Variants in DOP1B observed in about 807,000 individuals in gnomAD.
DOP1B encodes protein DOP1B.
A neutral mutation model predicts 233.5 loss-of-function variants in DOP1B; 174 were observed. The observed-to-expected ratio is 0.75, with a 90% CI of 0.66 to 0.85. The LOEUF (loss-of-function observed/expected upper bound fraction) is 0.85. Among genes scored for constraint, DOP1B ranks in the 40% least tolerant of loss-of-function variants. The probability of loss-of-function intolerance (pLI) is 0.00; values close to 1 mark genes in which losing one functional copy is unlikely to be tolerated. For missense variants in DOP1B, 2,652 were observed against 2,846.6 expected, an observed-to-expected ratio of 0.93 and a Z score of 1.56; for synonymous variants, 1,190 against 1,185.6, an observed-to-expected ratio of 1.00 and a Z score of -0.08.
At chr21:36,254,656 A>G (rs1054380922) in intron 23 of DOP1B, among the ~76,000 whole-genome samples, 4 of 152,210 alleles carry the variant, frequency 2.6e-5, no homozygotes, top group Non-Finnish European at 4.4e-5. Context: ...ACACATACAC[A>G]TCTCAAAGGG....
Position 36,230,802 on chromosome 21 carries a change from C to T in DOP1B, c.2018C>T (p.Ala673Val), listed in dbSNP as rs2066754300. ...RDRDGTQSLA[A>V]NDSSRKNSWE... ...AGGGATGGGACGCAGAGCCTGGCAGCCAATGATTCCAGCAGGAAGAACTCT... is the reference window on the plus strand; with the variant it reads ...AGGGATGGGACGCAGAGCCTGGCAGTCAATGATTCCAGCAGGAAGAACTCT... Residue 673 changes from alanine (A) to valine (V), a missense_variant, in exon 14 of 37, where the codon GCC becomes GTC. This residue lies in a region of DOP1B where 2,617 missense variants were observed against 2,794.3 expected (regional missense o/e 0.94). Coordinates refer to ENST00000691173, the MANE Select transcript of DOP1B (RefSeq NM_001320714.2). The T allele has an allele frequency of 6.2e-7, 1 of 1,614,010 alleles. No individual in the cohort carries two copies. Among genetic ancestry groups the T allele is most frequent in the African/African-American group, 1.3e-5 (1 of 74,898 alleles).
chr21:36,249,876 G>A (rs572337993), intron 21 of DOP1B, among the ~76,000 whole-genome samples: 20 of 152,320 alleles, frequency 1.3e-4, no homozygotes, highest in African/African-American at 4.6e-4. Context: ...TTCCTAGGGT[G>A]CCAAGGGAAT....
At chr21:36,164,679 C>T (rs2065892980) in intron 1 of DOP1B, 29 bp from the exon 2 acceptor site, 3 of 1,501,848 alleles carry the variant, frequency 2.0e-6, no homozygotes, top group Admixed American at 2.3e-5. Context: ...ATGGCTCTCT[C>T]ATTTGGTTAT....
At chr21:36,194,806 G>A (rs534690122) in intron 2 of DOP1B, among the ~76,000 whole-genome samples, 1 of 151,902 alleles carries the variant, frequency 6.6e-6, no homozygotes, top group South Asian at 2.1e-4. Flanking sequence ...CATTTTTAAA[G>A]AAGACAACTG....
intron 4 of DOP1B, among the ~76,000 whole-genome samples, chr21:36,208,017 G>C (rs919167891): frequency 1.3e-5 from 2 of 152,146 alleles, no homozygotes; most frequent in African/African-American, 4.8e-5. Context: ...TGCATGAGAA[G>C]GTGCTGACTT....
At position 36,270,120 on chromosome 21, in the gene DOP1B, C is replaced by G. The variant is rs1453986485; in HGVS notation, c.5595C>G (p.Ala1865=). 6.2e-7 allele frequency: 1 copy of G among 1,614,144 alleles called. No individual in the cohort carries two copies. Among genetic ancestry groups the G allele is most frequent in the Non-Finnish European group, 8.5e-7 (1 of 1,180,032 alleles). The change falls in exon 27 of 37, where the codon GCC becomes GCG. Residue 1865 remains alanine, a synonymous_variant. Transcript: ENST00000691173. ...TGGAAGTGAAGGCCCAACCTCAGGC[C>G]TCTCTAGAAGAATCTGATGCTGAGG... is the stretch of plus-strand genomic sequence containing the variant. ...RNLEVKAQPQ[A]SLEESDAEED...
At chr21:36,175,132 A>G (rs2066009455) in intron 2 of DOP1B, among the ~76,000 whole-genome samples, 1 of 145,208 alleles carries the variant, frequency 6.9e-6, no homozygotes. Context: ...TTTTTTTGAG[A>G]TGGAGTCTCA....
chr21:36,187,233 G>T (rs2066175428), intron 2 of DOP1B, among the ~76,000 whole-genome samples: 1 of 136,646 alleles, frequency 7.3e-6, no homozygotes, highest in African/African-American at 2.8e-5. Context: ...TCCCTTCCCG[G>T]GGGAGGGTGC....
chr21:36,169,814 G>A (rs1321644953), intron 2 of DOP1B: 8 of 1,154,878 alleles, frequency 6.9e-6, no homozygotes, highest in Non-Finnish European at 1.0e-5. Context: ...CTAGATTTAT[G>A]CCGGTTGTTA....
intron 4 of DOP1B, among the ~76,000 whole-genome samples, chr21:36,207,287 C>A (rs1314041364): frequency 6.6e-6 from 1 of 151,718 alleles, no homozygotes; most frequent in Non-Finnish European, 1.5e-5. Context: ...CGGCTTCAAG[C>A]AATTCTCCTG....
intron 15 of DOP1B, among the ~76,000 whole-genome samples, chr21:36,235,870 G>T (rs143704099): frequency 2.7e-5 from 4 of 147,274 alleles, no homozygotes; most frequent in African/African-American, 9.9e-5. Context: ...AGTCGGGGGG[G>T]GGGCGGTCTA....
chr21:36,292,296 A>G (rs950260178), intron 36 of DOP1B, 63 bp downstream of exon 36: 4 of 1,395,038 alleles, frequency 2.9e-6, no homozygotes, highest in Middle Eastern at 2.6e-4. Context: ...TCACTCGGCC[A>G]CCCAGGTTAG....
intron 21 of DOP1B, 124 bp from the exon 22 acceptor site, chr21:36,251,038 A>G: frequency 2.2e-6 from 3 of 1,353,966 alleles, no homozygotes; most frequent in Non-Finnish European, 3.0e-6. Context: ...GCACCTCAGC[A>G]CAACATTGGG....
chr21:36,286,675 A>C (rs1449401046), intron 32 of DOP1B, among the ~76,000 whole-genome samples: 1 of 136,500 alleles, frequency 7.3e-6, no homozygotes, highest in Non-Finnish European at 1.6e-5. Flanking sequence ...CACACACACA[A>C]AACTGACTGA....
At chr21:36,167,940 CTTTTTTTTTTT>C (rs869190433) in intron 2 of DOP1B, among the ~76,000 whole-genome samples, 1 of 40,014 alleles carries the variant, frequency 2.5e-5, no homozygotes, top group Non-Finnish European at 5.4e-5. Flanking sequence ...TTTTCTTTTT[CTTTTTTTTTTT>C]TTTTTTTTTC....
intron 1 of DOP1B, among the ~76,000 whole-genome samples, chr21:36,162,841 C>T (rs2065880329): frequency 6.6e-6 from 1 of 152,026 alleles, no homozygotes; most frequent in Non-Finnish European, 1.5e-5. Flanking sequence ...TCACCATGCC[C>T]AGCCGCCAGG....
intron 23 of DOP1B, among the ~76,000 whole-genome samples, chr21:36,254,328 A>C (rs1238806280): frequency 6.6e-6 from 1 of 152,198 alleles, no homozygotes; most frequent in Non-Finnish European, 1.5e-5. Flanking sequence ...TTCAATAACC[A>C]CTGCGGTAAG....
chr21:36,282,281 G>A (rs1012922544), intron 32 of DOP1B, among the ~76,000 whole-genome samples: 10 of 152,038 alleles, frequency 6.6e-5, no homozygotes, highest in East Asian at 1.9e-4. Flanking sequence ...TTAGCCAGGC[G>A]TGATGGTGCG....
intron 5 of DOP1B, among the ~76,000 whole-genome samples, chr21:36,210,340 G>A (rs1257459067): frequency 6.6e-6 from 1 of 151,930 alleles, no homozygotes; most frequent in Non-Finnish European, 1.5e-5. Flanking sequence ...GAAACCCCAC[G>A]TTTATTAAAA....
Sources: allele counts gnomAD v4.1 joint callset (sites outside exome capture counted in the v4.1 genomes callset), GRCh38; gene constraint gnomAD v4.1.1; regional missense constraint gnomAD v4.1.1; transcripts MANE v1.5; gene names NCBI Gene and HGNC (gene_info 2026-07-23, HGNC 2026-07-21).